The following PARD3 variants were observed in gnomAD, a reference collection of about 807,000 sequenced individuals.
PARD3 encodes par-3 family cell polarity regulator, also known as partitioning defective 3 homolog.
A neutral mutation model predicts 155.4 loss-of-function variants in PARD3; 75 were observed. The ratio of observed to expected loss-of-function variants is 0.48; its 90% CI spans 0.40 to 0.58. The LOEUF is 0.58. Ranked by LOEUF, PARD3 falls within the 20% of genes least tolerant of loss-of-function variation. PARD3 has a pLI of 0.00. For synonymous variants in PARD3, 576 were observed against 610.5 expected, an observed-to-expected ratio of 0.94 and a Z score of 0.83; for missense variants, 1,642 against 1,721.7, an observed-to-expected ratio of 0.95 and a Z score of 0.82.
chr10:34,750,398 A>G (rs1434751219), intron 1 of PARD3, among the ~76,000 whole-genome samples: 1 of 151,848 alleles, frequency 6.6e-6, no homozygotes, highest in Non-Finnish European at 1.5e-5. Flanking sequence ...AAGAAATTCC[A>G]TTTCTAGAAA....
At chr10:34,245,506 G>A (rs1448423893) in intron 22 of PARD3, among the ~76,000 whole-genome samples, 1 of 152,054 alleles carries the variant, frequency 6.6e-6, no homozygotes, top group East Asian at 1.9e-4. Context: ...AGGGATCAAG[G>A]GGGCTGAGAC....
At chr10:34,537,780 A>G (rs1481936696) in intron 2 of PARD3, among the ~76,000 whole-genome samples, 2 of 152,240 alleles carry the variant, frequency 1.3e-5, no homozygotes, top group African/African-American at 4.8e-5. Flanking sequence ...AGAAACTCAA[A>G]CACTGACCAC....
chr10:34,111,485 C>T lies in PARD3; in HGVS notation c.3746G>A (p.Ser1249Asn), dbSNP rs1457739917. Residue 1249 changes from serine to asparagine, a missense_variant, in exon 25 of 25, where the codon AGT (serine) becomes AAT (asparagine). Physicochemically the swap from Ser to Asn is conservative, Grantham distance 46 (BLOSUM62 1). Around this residue, in one of 3 missense-constraint regions of PARD3, gnomAD observed 1,529 missense variants for 1,587.3 expected, o/e 0.96. Transcript: ENST00000374788. Reference sequence around the variant, plus strand: ...GGAGTACCTGGGGTTCTCTTTGGCACTCTGGAAGCCTTCCCCAGGGGAGTA... The same window carrying T: ...GGAGTACCTGGGGTTCTCTTTGGCATTCTGGAAGCCTTCCCCAGGGGAGTA... ...QNYSPGEGFQ[S>N]AKENPRYSSY... is the part of the protein sequence containing the mutation. The T allele has an allele frequency of 6.2e-6, 10 of 1,614,016 alleles. No individual in the cohort carries two copies. The highest frequency in any genetic ancestry group is 2.2e-5 in the East Asian group (1 of 44,882).
chr10:34,738,977 T>C (rs2094961434), intron 1 of PARD3, among the ~76,000 whole-genome samples: 1 of 152,206 alleles, frequency 6.6e-6, no homozygotes, highest in African/African-American at 2.4e-5. Flanking sequence ...TTGATATATC[T>C]GAACAAAAAT....
chr10:34,705,572 A>C (rs961262615), intron 1 of PARD3, among the ~76,000 whole-genome samples: 6 of 152,296 alleles, frequency 3.9e-5, no homozygotes, highest in African/African-American at 1.2e-4. Flanking sequence ...ACTGCTAAAC[A>C]TTATACAAAT....
chr10:34,755,223 G>A (rs1404128298), intron 1 of PARD3, among the ~76,000 whole-genome samples: 2 of 150,584 alleles, frequency 1.3e-5, no homozygotes, highest in African/African-American at 4.9e-5. Flanking sequence ...CCAACATGGT[G>A]AAACCCCGTC....
At chr10:34,266,949 G>A (rs1010915557) in intron 22 of PARD3, among the ~76,000 whole-genome samples, 1 of 152,102 alleles carries the variant, frequency 6.6e-6, no homozygotes, top group Admixed American at 6.6e-5. Context: ...TGGGCCTCAG[G>A]AGCTGGGAAG....
At chr10:34,304,523 A>C (rs1957306970) in intron 20 of PARD3, among the ~76,000 whole-genome samples, 1 of 152,124 alleles carries the variant, frequency 6.6e-6, no homozygotes, top group South Asian at 2.1e-4. Context: ...GTCGCATAGC[A>C]ATCTTGGCTC....
chr10:34,278,714 C>T (rs1660612), intron 21 of PARD3, among the ~76,000 whole-genome samples: 79,251 of 151,932 alleles, frequency 0.52, 20,776 homozygotes, highest in Middle Eastern at 0.62. Context: ...GCCTCCTTAG[C>T]CCTGTGGAAC....
intron 2 of PARD3, among the ~76,000 whole-genome samples, chr10:34,577,968 C>T (rs983038148): frequency 9.9e-5 from 15 of 151,872 alleles, no homozygotes; most frequent in Non-Finnish European, 1.3e-4. Flanking sequence ...CCTCCTGCCT[C>T]GGCCTCCTGA....
intron 22 of PARD3, among the ~76,000 whole-genome samples, chr10:34,194,531 C>T (rs997466532): frequency 6.6e-6 from 1 of 151,542 alleles, no homozygotes; most frequent in African/African-American, 2.4e-5. Flanking sequence ...TATGCATCAA[C>T]TGTGGTTTCT....
chr10:34,528,370 G>A (rs909232578), intron 2 of PARD3, among the ~76,000 whole-genome samples: 1 of 152,126 alleles, frequency 6.6e-6, no homozygotes. Context: ...AATGGAGATG[G>A]AGACACTTTA....
intron 1 of PARD3, among the ~76,000 whole-genome samples, chr10:34,731,414 G>A (rs2094814839): frequency 6.6e-6 from 1 of 152,166 alleles, no homozygotes; most frequent in African/African-American, 2.4e-5. Flanking sequence ...TACACTTGCT[G>A]CTCTAGCGCT....
intron 7 of PARD3, among the ~76,000 whole-genome samples, chr10:34,390,158 ATATT>A (rs1216322155): frequency 6.6e-6 from 1 of 152,240 alleles, no homozygotes; most frequent in Non-Finnish European, 1.5e-5. Context: ...GTTCAAGAGC[ATATT>A]TATTCTCAGC....
chr10:34,467,329 TTGTGTGTGTGTG>T (rs61218571), intron 4 of PARD3, among the ~76,000 whole-genome samples: 31 of 147,088 alleles, frequency 2.1e-4, no homozygotes, highest in Middle Eastern at 3.4e-3. Flanking sequence ...TGACTCCAAC[TTGTGTGTGTGTG>T]TGTGTGTGTG....
chr10:34,271,721 T>C (rs1432154445), intron 21 of PARD3, among the ~76,000 whole-genome samples: 1 of 152,062 alleles, frequency 6.6e-6, no homozygotes, highest in Non-Finnish European at 1.5e-5. Flanking sequence ...GAAATAAAAG[T>C]ACACAGATGG....
Position 34,132,107 on chromosome 10 carries a change from C to T in PARD3, c.3420-524G>A, listed in dbSNP as rs180923374. Among the ~76,000 whole-genome samples the T allele has an allele frequency of 2.4e-4, 36 of 152,160 alleles. No individual in the cohort carries two copies. The East Asian group carries it at 6.6e-3, about 28-fold the overall frequency. Reference sequence around the variant, plus strand: ...AATGCACAGCAATATTTTCATAATACGAGGTTCCTATTTATGAGTCATCAG... The same window carrying T: ...AATGCACAGCAATATTTTCATAATATGAGGTTCCTATTTATGAGTCATCAG... On this transcript the variant is annotated intron_variant, in intron 22 of 24. Transcript: ENST00000374788.
At chr10:34,663,327 G>A (rs567188920) in intron 2 of PARD3, among the ~76,000 whole-genome samples, 42 of 152,104 alleles carry the variant, frequency 2.8e-4, no homozygotes, top group African/African-American at 9.4e-4. Flanking sequence ...ATAGCCAGGC[G>A]TAGTAGTGCA....
intron 16 of PARD3, among the ~76,000 whole-genome samples, chr10:34,340,904 T>C (rs1386484069): frequency 6.6e-6 from 1 of 152,122 alleles, no homozygotes; most frequent in Non-Finnish European, 1.5e-5. Context: ...AATGAGAAAA[T>C]TCTGGTACAA....
Sources: gnomAD v4.1 joint callset for allele counts (sites outside exome capture counted in the v4.1 genomes callset) on GRCh38, gnomAD v4.1.1 for gene constraint, gnomAD v4.1.1 regional missense constraint, MANE v1.5 for transcripts, NCBI Gene and HGNC (gene_info 2026-07-23, HGNC 2026-07-21) for gene names.